Variants in ZNF501 observed in about 807,000 individuals in gnomAD.
ZNF501 encodes the protein zinc finger protein 501.
A neutral mutation model predicts 5.7 loss-of-function variants in ZNF501; 7 were observed. That is an observed-to-expected ratio of 1.24 (90% confidence interval 0.70 to 2.32). ZNF501 has a LOEUF of 2.32. Ranked by LOEUF, ZNF501 falls within the 30% of genes most tolerant of loss-of-function variation. The probability of loss-of-function intolerance (pLI) is 0.00; values close to 1 mark genes in which losing one functional copy is unlikely to be tolerated. For synonymous variants in ZNF501, 107 were observed against 101.9 expected (o/e 1.05, Z -0.30); for missense variants, 352 against 321.1 (o/e 1.10, Z -0.73).
At chr3:44,731,236 G>A (rs143503450) in intron 1 of ZNF501, among the ~76,000 whole-genome samples, 2,117 of 152,260 alleles carry the variant, frequency 0.014, 22 homozygotes, top group Middle Eastern at 0.027. Context: ...AAATTTTTAC[G>A]CCCAGATGCT....
intron 1 of ZNF501, among the ~76,000 whole-genome samples, chr3:44,730,481 C>G (rs1241866133): frequency 6.6e-6 from 1 of 152,206 alleles, no homozygotes; most frequent in Non-Finnish European, 1.5e-5. Context: ...TAAAGGTTGA[C>G]TGCAAGCTTG....
At chr3:44,730,326 G>C (rs963763882) in intron 1 of ZNF501, among the ~76,000 whole-genome samples, 1 of 152,210 alleles carries the variant, frequency 6.6e-6, no homozygotes, top group Admixed American at 6.5e-5. Context: ...AAGTTTGCTG[G>C]TGGAAGACAG....
At position 44,736,489 on chromosome 3, in the gene ZNF501, C is replaced by T. The variant is rs980003271; in HGVS notation, c.*1252C>T. ...ATTTGCAGTTCTGGTTTATATAATA[C>T]CAAAGTCACATACAGGTAATTTCCC... On this transcript the variant is annotated 3_prime_UTR_variant, in exon 3 of 3. Coordinates refer to ENST00000620116, the MANE Select transcript of ZNF501 (RefSeq NM_001258280.2). The T allele has an allele frequency of 6.0e-6, 1 of 166,864 alleles. No individual in the cohort carries two copies. The highest frequency in any genetic ancestry group is 1.5e-5 in the Non-Finnish European group (1 of 68,078). 10.3% of individuals were successfully genotyped at this position (166,864 alleles called of 1,614,324 possible).
In ZNF501 at chr3:44,735,030, T is replaced by G; in HGVS notation, c.609T>G (p.Ser203=). The G allele has an allele frequency of 6.8e-6, 11 of 1,614,176 alleles. No homozygotes were observed. Among genetic ancestry groups the G allele is most frequent in the Non-Finnish European group, 9.3e-6 (11 of 1,180,014 alleles). Residue 203 remains serine (S), a synonymous_variant, in exon 3 of 3, where the codon TCT becomes TCG. Transcript: ENST00000620116. ...GTGGTAAAGCCTTCACTCAGAACTC[T>G]TCCCTTGTTGAACATGAAAGGACTC... ...TECGKAFTQN[S]SLVEHERTHT... is the part of the protein sequence containing the mutation.
rs1462601455 is a variant in ZNF501 at position 44,734,812 on chromosome 3, G to A, written c.391G>A (p.Glu131Lys). The A allele has an allele frequency of 6.2e-7, 1 of 1,614,012 alleles. No individual in the cohort carries two copies. Reference sequence around the variant, plus strand: ...TAAACACCAGCGAATTCATACTGGAGAGAAACCATATAAATGTACAGAATG... The same window carrying A: ...TAAACACCAGCGAATTCATACTGGAAAGAAACCATATAAATGTACAGAATG... The part of the protein sequence containing the change: ...LIKHQRIHTG[E>K]KPYKCTECGK... Residue 131 changes from glutamate to lysine, a missense_variant, in exon 3 of 3, where the codon GAG (glutamate) becomes AAG (lysine). Physicochemically the swap from Glu to Lys is moderately conservative, Grantham distance 56. Transcript: ENST00000620116.
rs1005553657 is a variant in ZNF501 at position 44,735,961 on chromosome 3, G to A, written c.*724G>A. On this transcript the variant is annotated 3_prime_UTR_variant, in exon 3 of 3. Transcript: ENST00000620116. ...GTTGTGGGACTTCTGTGTGTGTTTA[G>A]GGTTGGCAGCAGGTGATTAGGAGAA... 2 of 167,136 alleles carry A rather than the reference G, an allele frequency of 1.2e-5. No homozygotes were observed. Among genetic ancestry groups the A allele is most frequent in the African/African-American group, 4.8e-5 (2 of 41,476 alleles). The allele number at this position is 167,136 out of a possible 1,614,324, so 10.4% of individuals were successfully genotyped here.
At position 44,735,352 on chromosome 3, in the gene ZNF501, A is replaced by G; in HGVS notation, c.*115A>G. On this transcript the variant is annotated 3_prime_UTR_variant, in exon 3 of 3. Transcript: ENST00000620116. Reference sequence around the variant, plus strand: ...CTAGTATGAATATTTTGTATTTTGAACAAGAAATGTTGTGTCCTAATGTGT... The same window carrying G: ...CTAGTATGAATATTTTGTATTTTGAGCAAGAAATGTTGTGTCCTAATGTGT... 1 of 1,007,514 alleles carries G rather than the reference A, an allele frequency of 9.9e-7. No homozygotes were observed. The allele number at this position is 1,007,514 out of a possible 1,614,324, so 62.4% of individuals were successfully genotyped here. A position where few individuals can be genotyped will look rare whatever the true frequency, so the allele number is the denominator to read the frequency against.
rs1266284375 is a variant in ZNF501, at chr3:44,734,455, C to T, written c.34C>T (p.His12Tyr). Residue 12 changes from histidine to tyrosine, a missense_variant, in exon 3 of 3, where the codon CAT (histidine) becomes TAT (tyrosine). Transcript: ENST00000620116. ...NSSQISLRMK[H>Y]GRVNMQKKPS... ...CAGCCAAATATCACTCAGAATGAAA[C>T]ATGGGAGAGTTAACATGCAGAAGAA... 1 of 1,613,534 alleles carries T rather than the reference C, an allele frequency of 6.2e-7. No individual in the cohort carries two copies. Among genetic ancestry groups the T allele is most frequent in the Non-Finnish European group, 8.5e-7 (1 of 1,179,700 alleles).
In ZNF501 at chr3:44,735,356, GAA is replaced by G. The variant is rs745488903; in HGVS notation, c.*121_*122del. The G allele has an allele frequency of 6.3e-6, 6 of 959,598 alleles. No individual in the cohort carries two copies. Among genetic ancestry groups the G allele is most frequent in the Non-Finnish European group, 9.2e-6 (6 of 652,934 alleles). 59.4% of individuals were successfully genotyped at this position (959,598 alleles called of 1,614,324 possible). On this transcript the variant is annotated 3_prime_UTR_variant, in exon 3 of 3. Coordinates refer to ENST00000620116, the MANE Select transcript of ZNF501 (RefSeq NM_001258280.2). ...TATGAATATTTTGTATTTTGAACAA[GAA>G]ATGTTGTGTCCTAATGTGTCCTAGT...
chr3:44,730,170 C>T (rs1448006770), intron 1 of ZNF501, among the ~76,000 whole-genome samples, 155 bp downstream of exon 1: 1 of 152,152 alleles, frequency 6.6e-6, no homozygotes. Flanking sequence ...TAAGTAGTTG[C>T]CATGTAGTAA....
Position 44,735,454 on chromosome 3 carries a change from TC to T in ZNF501, c.*223del, listed in dbSNP as rs928403469. 2.5e-6 allele frequency: 1 copy of T among 400,796 alleles called. No individual in the cohort carries two copies. The highest frequency in any genetic ancestry group is 2.0e-5 in the African/African-American group (1 of 49,168). The allele number at this position is 400,796 out of a possible 1,614,324, so 24.8% of individuals were successfully genotyped here. ...CCCTTCTGAGCCTCAGTTTCCCCAT[TC>T]CCCCCAATAGAAAAATGGGGATATT... On this transcript the variant is annotated 3_prime_UTR_variant, in exon 3 of 3. Transcript: ENST00000620116.
At chr3:44,730,123 G>A (rs1043276482) in intron 1 of ZNF501, 108 bp downstream of exon 1, 6 of 152,134 alleles carry the variant, frequency 3.9e-5, no homozygotes, top group Non-Finnish European at 7.3e-5. Flanking sequence ...TTAACAGCAG[G>A]CACTATTTAT....
chr3:44,732,337 A>T (rs1257787300), intron 2 of ZNF501: 1 of 152,230 alleles, frequency 6.6e-6, no homozygotes, highest in Non-Finnish European at 1.5e-5. Context: ...TCTTTGTATG[A>T]TAAGAAAAAA....
Position 44,735,359 on chromosome 3 carries a change from ATGT to A in ZNF501, c.*126_*128del, listed in dbSNP as rs1575552342. 1.2e-5 allele frequency: 11 copies of A among 946,488 alleles called. No individual in the cohort carries two copies. In the East Asian group the frequency reaches 1.8e-4, roughly 16 times the overall value. The allele number at this position is 946,488 out of a possible 1,614,324, so 58.6% of individuals were successfully genotyped here. A position where few individuals can be genotyped will look rare whatever the true frequency, so the allele number is the denominator to read the frequency against. On this transcript the variant is annotated 3_prime_UTR_variant, in exon 3 of 3. Transcript: ENST00000620116. ...GAATATTTTGTATTTTGAACAAGAA[ATGT>A]TGTGTCCTAATGTGTCCTAGTCTGG... is the stretch of plus-strand genomic sequence containing the variant.
Position 44,734,801 on chromosome 3 carries a change from T to C in ZNF501, c.380T>C (p.Ile127Thr). 1 of 1,613,980 alleles carries C rather than the reference T, an allele frequency of 6.2e-7. No individual in the cohort carries two copies. ...CCATCCCTTATTAAACACCAGCGAA[T>C]TCATACTGGAGAGAAACCATATAAA... ...QSPSLIKHQRIHTGEKPYKCT... is the reference protein window; with the variant it reads ...QSPSLIKHQRTHTGEKPYKCT... Residue 127 changes from isoleucine to threonine, a missense_variant, in exon 3 of 3, where the codon ATT (isoleucine) becomes ACT (threonine). Ile to Thr is a moderately conservative substitution (Grantham distance 89, BLOSUM62 -1). Coordinates refer to ENST00000620116, the MANE Select transcript of ZNF501 (RefSeq NM_001258280.2).
At chr3:44,730,760 A>G (rs1056641630) in intron 1 of ZNF501, among the ~76,000 whole-genome samples, 1 of 152,204 alleles carries the variant, frequency 6.6e-6, no homozygotes, top group Non-Finnish European at 1.5e-5. Context: ...CCCCAATTCT[A>G]ATTGTAGGAG....
intron 2 of ZNF501, 68 bp downstream of exon 2, chr3:44,731,628 A>G (rs1704617969): frequency 6.6e-6 from 1 of 152,246 alleles, no homozygotes; most frequent in African/African-American, 2.4e-5. Flanking sequence ...AAGTGATGGC[A>G]GACCTATGGT....
chr3:44,734,222 T>G lies in ZNF501; in HGVS notation c.-200T>G. 1.8e-6 allele frequency: 1 copy of G among 543,536 alleles called. No homozygotes were observed. Among genetic ancestry groups the G allele is most frequent in the Non-Finnish European group, 3.2e-6 (1 of 307,850 alleles). 33.7% of individuals were successfully genotyped at this position (543,536 alleles called of 1,614,324 possible). On this transcript the variant is annotated 5_prime_UTR_variant, in exon 3 of 3. Transcript: ENST00000620116. ...AGAGGCTGATCATCAGGGGTTCACT[T>G]TCAGAGAAGTTGAGAATGCAGGCTG...
Position 44,734,944 on chromosome 3 carries a change from G to A in ZNF501, c.523G>A (p.Ala175Thr). 1.2e-6 allele frequency: 2 copies of A among 1,613,976 alleles called. No individual in the cohort carries two copies. Among genetic ancestry groups the A allele is most frequent in the Non-Finnish European group, 1.7e-6 (2 of 1,180,002 alleles). The change falls in exon 3 of 3, where the codon GCA becomes ACA. Residue 175 changes from alanine to threonine, a missense_variant. Ala to Thr is a moderately conservative substitution (Grantham distance 58). Transcript: ENST00000620116. The part of the protein sequence containing the change: ...NECGKAFNQS[A>T]CLMQHQRIHS... ...ATGTGGGAAAGCCTTTAATCAGAGT[G>A]CATGTCTCATGCAGCATCAGAGAAT...
Sources: gnomAD v4.1 joint callset for allele counts (sites outside exome capture counted in the v4.1 genomes callset) on GRCh38, gnomAD v4.1.1 for gene constraint, MANE v1.5 for transcripts, NCBI Gene and HGNC (gene_info 2026-07-23, HGNC 2026-07-21) for gene names.